The following KCNK10 variants were observed in gnomAD, a reference collection of about 807,000 sequenced individuals.
The protein encoded by KCNK10 is potassium two pore domain channel subfamily K member 10, also known as potassium channel subfamily K member 10.
KCNK10 carries 25 observed loss-of-function variants against 47.7 expected under a neutral mutation model. That is an observed-to-expected ratio of 0.52 (90% CI 0.38 to 0.73). The LOEUF (loss-of-function observed/expected upper bound fraction) is 0.73, where lower values mean the gene tolerates loss of function less well. Ranked by LOEUF, KCNK10 falls within the 30% of genes least tolerant of loss-of-function variation. The probability of loss-of-function intolerance (pLI) is 0.00; values close to 1 mark genes in which losing one functional copy is unlikely to be tolerated. For missense variants in KCNK10, 563 were observed against 714.5 expected (o/e 0.79, Z 2.42); for synonymous variants, 303 against 285.6 (o/e 1.06, Z -0.61).
At chr14:88,301,714 A>G (rs1017008876) in intron 1 of KCNK10, among the ~76,000 whole-genome samples, 3 of 151,790 alleles carry the variant, frequency 2.0e-5, no homozygotes, top group African/African-American at 7.3e-5. Context: ...TTATTCAAGG[A>G]AAGCAGAAAG....
rs1013196336 is a variant in KCNK10, at chr14:88,183,357, G to C, written c.*2178C>G. The C allele has an allele frequency of 6.6e-6, 1 of 152,378 alleles. No homozygotes were observed. Among genetic ancestry groups the C allele is most frequent in the Non-Finnish European group, 1.5e-5 (1 of 68,042 alleles). The allele number at this position is 152,378 out of a possible 1,614,324, so 9.4% of individuals were successfully genotyped here. On this transcript the variant is annotated 3_prime_UTR_variant, in exon 7 of 7. Transcript: ENST00000319231. ...CTGCCAGATTTGGCCGTAGGGCCTG[G>C]AATTTTAACACACTGCTACAAAGAA...
In KCNK10 at chr14:88,185,840, C is replaced by A; in HGVS notation, c.1327G>T (p.Ala443Ser). 2.5e-6 allele frequency: 4 copies of A among 1,614,184 alleles called. No homozygotes were observed. The highest frequency in any genetic ancestry group is 3.4e-6 in the Non-Finnish European group (4 of 1,180,024). Residue 443 changes from alanine (A) to serine (S), a missense_variant, in exon 7 of 7, where the codon GCG becomes TCG. By Grantham distance (99) the Ala-to-Ser change is moderately conservative. Coordinates refer to ENST00000319231, the MANE Select transcript of KCNK10 (RefSeq NM_138317.3). This position sits in a 1 kb window ranked among gnomAD's most constrained non-coding sequence, Gnocchi z 4.3. ...PEQLNKHGQG[A>S]SEDNIINKFG... ...TTGTTGATGATGTTGTCCTCGGACGCACCCTGCCCATGCTTGTTCAGCTGC... is the reference window on the plus strand; with the variant it reads ...TTGTTGATGATGTTGTCCTCGGACGAACCCTGCCCATGCTTGTTCAGCTGC...
At chr14:88,250,934 G>A (rs905826491) in intron 2 of KCNK10, among the ~76,000 whole-genome samples, 1 of 152,118 alleles carries the variant, frequency 6.6e-6, no homozygotes. Context: ...AGGGCTCTTG[G>A]TCTTCAAACA....
At chr14:88,280,421 T>C (rs1887624842) in intron 1 of KCNK10, among the ~76,000 whole-genome samples, 1 of 152,088 alleles carries the variant, frequency 6.6e-6, no homozygotes, top group Admixed American at 6.6e-5. Flanking sequence ...TTCTATATCC[T>C]CTCCCTGTGT....
chr14:88,271,127 G>C (rs534631702), intron 1 of KCNK10, among the ~76,000 whole-genome samples: 1 of 151,852 alleles, frequency 6.6e-6, no homozygotes, highest in East Asian at 1.9e-4. Flanking sequence ...CCCACCTTAC[G>C]TGTCCCCACC....
At chr14:88,292,903 A>T (rs11159851) in intron 1 of KCNK10, among the ~76,000 whole-genome samples, 2 of 151,920 alleles carry the variant, frequency 1.3e-5, no homozygotes, top group Non-Finnish European at 2.9e-5. Context: ...GGATTACAGG[A>T]ACAAGCCACC....
chr14:88,242,964 A>G (rs545462688), intron 2 of KCNK10, among the ~76,000 whole-genome samples: 1 of 152,316 alleles, frequency 6.6e-6, no homozygotes, highest in African/African-American at 2.4e-5. Flanking sequence ...AGGCTCACTC[A>G]AGTCTCACGG....
rs59427470 is a variant in KCNK10, at chr14:88,283,628, C to A, written c.53-20077G>T. Among the ~76,000 whole-genome samples the A allele has an allele frequency of 6.7e-3, 1,015 of 152,272 alleles. 12 individuals carry two copies. The highest frequency in any genetic ancestry group is 0.023 in the African/African-American group (940 of 41,558). Reference sequence around the variant, plus strand: ...AAAATGTAAACACAGATATAAAATTCCATTTGAAGGAAGGGGCTCACGCCT... The same window carrying A: ...AAAATGTAAACACAGATATAAAATTACATTTGAAGGAAGGGGCTCACGCCT... On this transcript the variant is annotated intron_variant, in intron 1 of 6. Coordinates refer to ENST00000319231, the MANE Select transcript of KCNK10 (RefSeq NM_138317.3).
In KCNK10 at chr14:88,180,538, G is replaced by A. The variant is rs1008504282; in HGVS notation, c.*4997C>T. Reference sequence around the variant, plus strand: ...TTCTGCAGCATAGGTCTGCTGAATCGACGGAGCAGGAGTCCTCTCAAAATA... The same window carrying A: ...TTCTGCAGCATAGGTCTGCTGAATCAACGGAGCAGGAGTCCTCTCAAAATA... On this transcript the variant is annotated 3_prime_UTR_variant, in exon 7 of 7. Transcript: ENST00000319231. The A allele has an allele frequency of 1.5e-5, 5 of 341,488 alleles. No homozygotes were observed. The highest frequency in any genetic ancestry group is 6.4e-5 in the African/African-American group (3 of 47,244). The allele number at this position is 341,488 out of a possible 1,614,324, so 21.2% of individuals were successfully genotyped here. A position where few individuals can be genotyped will look rare whatever the true frequency, so the allele number is the denominator to read the frequency against.
chr14:88,326,188 C>G (rs1258596723), upstream of KCNK10, among the ~76,000 whole-genome samples: 1 of 134,572 alleles, frequency 7.4e-6, no homozygotes, highest in Non-Finnish European at 1.6e-5. Flanking sequence ...CCCGCCCCCC[C>G]CCAAAAAAAA....
chr14:88,301,433 A>G (rs1888095651), intron 1 of KCNK10, among the ~76,000 whole-genome samples: 1 of 152,168 alleles, frequency 6.6e-6, no homozygotes, highest in Admixed American at 6.5e-5. Flanking sequence ...TTTGGTTTAT[A>G]AATTTTTTAG....
rs724611 is a variant in KCNK10 at position 88,260,683 on chromosome 14, G to A, written c.402+2519C>T. On this transcript the variant is annotated intron_variant, in intron 2 of 6. Transcript: ENST00000319231. This position sits in a 1 kb window ranked among gnomAD's most constrained non-coding sequence, Gnocchi z 4.5. The stretch of plus-strand genomic sequence containing the variant: ...TTTCCTCCCCTGTAAAATGGGAATC[G>A]TGATATGAACTTAGAGTGTTGTTGA... 0.14 allele frequency among the ~76,000 whole-genome samples: 21,913 copies of A among 152,166 alleles called. 1,662 individuals carry two copies. Among genetic ancestry groups the A allele is most frequent in the Non-Finnish European group, 0.16 (10,808 of 67,988 alleles).
intron 1 of KCNK10, among the ~76,000 whole-genome samples, chr14:88,310,240 T>TCATATGGTATATGATATACC (rs57901159): frequency 2.1e-5 from 3 of 143,342 alleles, no homozygotes; most frequent in Non-Finnish European, 3.1e-5. Flanking sequence ...ATATACCATA[T>TCATATGGTATATGATATACC]AAATGATATG....
intron 4 of KCNK10, among the ~76,000 whole-genome samples, chr14:88,196,863 T>C (rs1164025690): frequency 1.3e-5 from 2 of 152,238 alleles, no homozygotes; most frequent in Non-Finnish European, 2.9e-5. Context: ...TTCCAAGATT[T>C]ATTTTAGAAG....
At chr14:88,257,091 A>C (rs1170659256) in intron 2 of KCNK10, among the ~76,000 whole-genome samples, 1 of 152,094 alleles carries the variant, frequency 6.6e-6, no homozygotes, top group Non-Finnish European at 1.5e-5. Flanking sequence ...AGTAATTTTC[A>C]AGTTTTCTCT....
At chr14:88,279,455 G>A (rs935313593) in intron 1 of KCNK10, among the ~76,000 whole-genome samples, 2 of 151,484 alleles carry the variant, frequency 1.3e-5, no homozygotes, top group African/African-American at 2.4e-5. Context: ...CCATTTTAAA[G>A]GGTGCAATTC....
intron 2 of KCNK10, among the ~76,000 whole-genome samples, chr14:88,246,639 C>T (rs1240632917): frequency 1.3e-5 from 2 of 152,190 alleles, no homozygotes; most frequent in Non-Finnish European, 2.9e-5. Flanking sequence ...ATTTCTGGGG[C>T]CACACCCAGT....
intron 4 of KCNK10, among the ~76,000 whole-genome samples, chr14:88,193,310 A>G (rs1174359764): frequency 1.3e-5 from 2 of 152,212 alleles, no homozygotes; most frequent in South Asian, 2.1e-4. Context: ...AATGGGAATT[A>G]GACTGATACT....
At chr14:88,315,867 G>C (rs1252316400) in intron 1 of KCNK10, among the ~76,000 whole-genome samples, 1 of 152,076 alleles carries the variant, frequency 6.6e-6, no homozygotes, top group Non-Finnish European at 1.5e-5. Context: ...TGCAGGATTT[G>C]GGGGGATGGC....
Sources: allele counts gnomAD v4.1 joint callset (sites outside exome capture counted in the v4.1 genomes callset), GRCh38; gene constraint gnomAD v4.1.1; non-coding constraint Gnocchi (gnomAD v3.1); transcripts MANE v1.5; gene names NCBI Gene and HGNC (gene_info 2026-07-23, HGNC 2026-07-21).